Variants in DNMBP observed in about 807,000 individuals in gnomAD.
DNMBP encodes the protein dynamin-binding protein.
A neutral mutation model predicts 150.0 loss-of-function variants in DNMBP; 87 were observed. The observed-to-expected ratio is 0.58, with a 90% CI of 0.49 to 0.69. The LOEUF is 0.69. Among genes scored for constraint, DNMBP ranks in the 30% least tolerant of loss-of-function variants. The probability of loss-of-function intolerance (pLI) is 0.00; values close to 1 mark genes in which losing one functional copy is unlikely to be tolerated. For synonymous variants in DNMBP, 711 were observed against 750.4 expected, an observed-to-expected ratio of 0.95 and a Z score of 0.86; for missense variants, 1,774 against 1,949.0, an observed-to-expected ratio of 0.91 and a Z score of 1.69.
In DNMBP at chr10:99,884,015, ATT is replaced by A. The variant is rs1564714514; in HGVS notation, c.3991_3992del (p.Asn1331TrpfsTer28). On this transcript the variant is annotated frameshift_variant, in exon 15 of 17. Transcript: ENST00000324109. LOFTEE classifies it high-confidence loss of function. ...TCTGCTGCTTAAAATTCTTACCTCC[ATT>A]GTCAATCAGCCAGCGGTTCTGGCTG... Reference protein sequence around the residue: ...MGSQNRWLIDNGVTKGFVYSS... With the variant: ...MGSQNRWLIDXGVTKGFVYSS... The A allele has an allele frequency of 6.2e-7, 1 of 1,612,482 alleles. No homozygotes were observed. The highest frequency in any genetic ancestry group is 1.1e-5 in the South Asian group (1 of 90,996).
intron 15 of DNMBP, among the ~76,000 whole-genome samples, chr10:99,883,325 A>G (rs2490762): frequency 0.097 from 14,699 of 152,026 alleles, 1,270 homozygotes; most frequent in African/African-American, 0.23. Flanking sequence ...AAGAAAGCAA[A>G]TGAAATCCCA....
At chr10:99,914,176 C>G in intron 4 of DNMBP, 6 of 1,243,108 alleles carry the variant, frequency 4.8e-6, no homozygotes, top group Non-Finnish European at 6.2e-6. Context: ...CCTAAGCGTA[C>G]TGGACTGAGA....
chr10:99,968,822 AAC>A (rs1411194126), intron 3 of DNMBP, among the ~76,000 whole-genome samples: 7 of 152,160 alleles, frequency 4.6e-5, no homozygotes, highest in African/African-American at 1.7e-4. Flanking sequence ...ACCTTCGGCC[AAC>A]AGTCTTTGAA....
At chr10:99,953,351 G>A (rs149702230) in intron 4 of DNMBP, among the ~76,000 whole-genome samples, 13 of 151,442 alleles carry the variant, frequency 8.6e-5, no homozygotes, top group East Asian at 3.9e-4. Context: ...CTCCTACGTC[G>A]GCCTCCCAAA....
intron 4 of DNMBP, among the ~76,000 whole-genome samples, chr10:99,926,322 T>C (rs1382265345): frequency 6.6e-6 from 1 of 152,210 alleles, no homozygotes; most frequent in Non-Finnish European, 1.5e-5. Context: ...TCTCACTCTG[T>C]CACCCAGGCT....
chr10:99,985,246 C>T (rs929530228), intron 1 of DNMBP, among the ~76,000 whole-genome samples: 1 of 152,058 alleles, frequency 6.6e-6, no homozygotes, highest in Non-Finnish European at 1.5e-5. Context: ...CATGGAAAAC[C>T]AGGGACGAGC....
chr10:99,886,294 A>C lies in DNMBP; in HGVS notation c.3618+6T>G. 1.2e-6 allele frequency: 2 copies of C among 1,608,664 alleles called. No individual in the cohort carries two copies. The highest frequency in any genetic ancestry group is 1.7e-6 in the Non-Finnish European group (2 of 1,175,676). On this transcript the variant is annotated splice_donor_region_variant and intron_variant, in intron 13 of 16. Coordinates refer to ENST00000324109, the MANE Select transcript of DNMBP (RefSeq NM_015221.4). The stretch of plus-strand genomic sequence containing the variant: ...GACCATCCCACTGAACAGGTAAGAA[A>C]CTCACCGAAAGCAGTGGCTTTAATT...
intron 16 of DNMBP, among the ~76,000 whole-genome samples, chr10:99,879,089 A>AAAAAAAAAAAAC (rs2039321386): frequency 1.3e-5 from 2 of 149,924 alleles, no homozygotes; most frequent in Non-Finnish European, 3.0e-5. Context: ...TGTCTCAAAA[A>AAAAAAAAAAAAC]AAAAAAAAAA....
intron 4 of DNMBP, among the ~76,000 whole-genome samples, chr10:99,937,457 AAGATCACATAAACT>A (rs2133298529): frequency 6.6e-6 from 1 of 152,318 alleles, no homozygotes; most frequent in South Asian, 2.1e-4. Context: ...TAACCTGTCC[AAGATCACATAAACT>A]AGTACATGGC....
chr10:99,928,133 G>C (rs998429182), intron 4 of DNMBP: 1 of 152,086 alleles, frequency 6.6e-6, no homozygotes, highest in Non-Finnish European at 1.5e-5. Context: ...ACTAAAGCTG[G>C]GTTTGGTTTC....
At chr10:99,879,162 A>G (rs1030017406) in intron 16 of DNMBP, among the ~76,000 whole-genome samples, 2 of 151,016 alleles carry the variant, frequency 1.3e-5, no homozygotes, top group Non-Finnish European at 3.0e-5. Context: ...AGGCCATTAC[A>G]AAGAGAATAG....
rs1305543562 is a variant in DNMBP at position 99,896,303 on chromosome 10, G to C, written c.3015C>G (p.Ser1005Arg). ...AGCCAGTGAGATGCTTCAGGTGACT[G>C]CTAACTCGGTTGGATTTCTTGATGA... is the stretch of plus-strand genomic sequence containing the variant. ...HSIIKKSNRV[S>R]SHLKHLTGFA... The change falls in exon 10 of 17, where the codon AGC becomes AGG. Residue 1005 changes from serine to arginine, a missense_variant. This residue lies in a region of DNMBP where 1,430 missense variants were observed against 1,492.5 expected (regional missense o/e 0.96). Transcript: ENST00000324109. 7 of 1,614,178 alleles carry C rather than the reference G, an allele frequency of 4.3e-6. No individual in the cohort carries two copies. Among genetic ancestry groups the C allele is most frequent in the Non-Finnish European group, 5.9e-6 (7 of 1,180,016 alleles).
intron 6 of DNMBP, among the ~76,000 whole-genome samples, chr10:99,901,968 T>C (rs1166446990): frequency 6.6e-6 from 1 of 151,960 alleles, no homozygotes; most frequent in African/African-American, 2.4e-5. Flanking sequence ...AGTGGCACAA[T>C]CTTGGCTCAC....
In DNMBP at chr10:99,875,995, G is replaced by A. The variant is rs2039265755; in HGVS notation, c.*1156C>T. On this transcript the variant is annotated 3_prime_UTR_variant, in exon 17 of 17. Transcript: ENST00000324109. ...AAAAAAATCTTATTTCCAAGTCTAG[G>A]ATAAGCTACTTCTGGAATGGCTTAT... is the stretch of plus-strand genomic sequence containing the variant. 1 of 152,148 alleles carries A rather than the reference G, an allele frequency of 6.6e-6. No individual in the cohort carries two copies. The allele number at this position is 152,148 out of a possible 1,614,324, so 9.4% of individuals were successfully genotyped here. A position where few individuals can be genotyped will look rare whatever the true frequency, so the allele number is the denominator to read the frequency against.
At chr10:99,923,537 T>G (rs2040045755) in intron 4 of DNMBP, among the ~76,000 whole-genome samples, 1 of 152,128 alleles carries the variant, frequency 6.6e-6, no homozygotes, top group Admixed American at 6.5e-5. Context: ...CAGCTGTTCC[T>G]TCCCTCTGTA....
intron 1 of DNMBP, among the ~76,000 whole-genome samples, chr10:100,002,185 G>C (rs1330337780): frequency 6.6e-6 from 1 of 152,112 alleles, no homozygotes; most frequent in Admixed American, 6.6e-5. Flanking sequence ...AAAAAACAGA[G>C]ACAGAGAAAT....
intron 1 of DNMBP, among the ~76,000 whole-genome samples, chr10:99,990,105 G>T (rs951192428): frequency 6.6e-6 from 1 of 152,146 alleles, no homozygotes; most frequent in African/African-American, 2.4e-5. Context: ...ACATCAAAAC[G>T]TACATTCACA....
chr10:99,901,375 C>T (rs1051417399), intron 6 of DNMBP, among the ~76,000 whole-genome samples: 10 of 152,238 alleles, frequency 6.6e-5, no homozygotes, highest in African/African-American at 1.4e-4. Context: ...ACATTTGCAA[C>T]GACCTAATCT....
At chr10:100,007,279 G>C (rs2041084342) in intron 1 of DNMBP, among the ~76,000 whole-genome samples, 1 of 152,124 alleles carries the variant, frequency 6.6e-6, no homozygotes, top group East Asian at 1.9e-4. Flanking sequence ...TCACATATTT[G>C]TCTGTTTCCA....
Sources: gnomAD v4.1 joint callset for allele counts (sites outside exome capture counted in the v4.1 genomes callset) on GRCh38, gnomAD v4.1.1 for gene constraint, gnomAD v4.1.1 regional missense constraint, MANE v1.5 for transcripts, NCBI Gene and HGNC (gene_info 2026-07-23, HGNC 2026-07-21) for gene names.